RIPOR2: variants seen among roughly 807,000 people sequenced by gnomAD.
The protein encoded by RIPOR2 is rho family-interacting cell polarization regulator 2.
Under a neutral mutation model 114.5 loss-of-function variants are expected in RIPOR2, and 39 were observed. The observed-to-expected ratio is 0.34, with a 90% CI of 0.26 to 0.44. RIPOR2 has a LOEUF of 0.44. RIPOR2 is among the 20% of genes least tolerant of loss of function. RIPOR2 has a pLI of 1.00. For missense variants in RIPOR2, 1,007 were observed against 1,255.1 expected, an observed-to-expected ratio of 0.80 and a Z score of 2.99; for synonymous variants, 445 against 484.4, an observed-to-expected ratio of 0.92 and a Z score of 1.07.
chr6:25,011,766 A>G (rs1253924976), intron 1 of RIPOR2, among the ~76,000 whole-genome samples: 1 of 152,240 alleles, frequency 6.6e-6, no homozygotes, highest in Non-Finnish European at 1.5e-5. Context: ...TCAAAGCTAA[A>G]ACTATAAAAC....
At chr6:24,902,050 T>C (rs1004135208) in intron 1 of RIPOR2, among the ~76,000 whole-genome samples, 1 of 152,142 alleles carries the variant, frequency 6.6e-6, no homozygotes, top group South Asian at 2.1e-4. Context: ...CAGCAGACTT[T>C]AGGTATCAAA....
rs145867234 is a variant in RIPOR2 at position 24,819,505 on chromosome 6, TA to T, written c.2869-881del. Among the ~76,000 whole-genome samples the T allele has an allele frequency of 4.0e-3, 608 of 151,478 alleles. 3 individuals carry two copies. The highest frequency in any genetic ancestry group is 0.014 in the African/African-American group (559 of 41,376). ...ATGCTCTGTTTAAAAAATCTCTGCA[TA>T]AAAGTACATTATCTTTTTTTTTTTT... On this transcript the variant is annotated intron_variant, in intron 19 of 21. Transcript: ENST00000643898.
At chr6:24,955,478 A>G (rs187114948) in intron 1 of RIPOR2, among the ~76,000 whole-genome samples, 65 of 141,940 alleles carry the variant, frequency 4.6e-4, no homozygotes, top group Middle Eastern at 3.5e-3. Flanking sequence ...ACAATTTTTA[A>G]AAAAGATCTC....
chr6:24,931,751 T>C (rs957068959), intron 1 of RIPOR2: 1 of 152,246 alleles, frequency 6.6e-6, no homozygotes, highest in Non-Finnish European at 1.5e-5. Context: ...TGGGGTGTTT[T>C]ATTATTCTAA....
intron 1 of RIPOR2, among the ~76,000 whole-genome samples, chr6:24,884,281 T>A (rs778473324): frequency 6.6e-6 from 1 of 151,774 alleles, no homozygotes; most frequent in African/African-American, 2.4e-5. Context: ...TGGTGGTGGG[T>A]GCCTGTAGTC....
At chr6:25,019,049 G>A (rs558225824) in intron 1 of RIPOR2, among the ~76,000 whole-genome samples, 4 of 152,258 alleles carry the variant, frequency 2.6e-5, no homozygotes, top group African/African-American at 2.4e-5. Flanking sequence ...ACAAATATGT[G>A]ATCAATCTCT....
Position 24,948,053 on chromosome 6 carries a change from A to G in RIPOR2, c.77-72236T>C, listed in dbSNP as rs138451005. Reference sequence around the variant, plus strand: ...ATGCCTAAAAAATCGAGACTGTCTCAACTATTTTACCTGCCATTATCTTAA... The same window carrying G: ...ATGCCTAAAAAATCGAGACTGTCTCGACTATTTTACCTGCCATTATCTTAA... On this transcript the variant is annotated intron_variant, in intron 1 of 13. Coordinates refer to the RIPOR2 transcript ENST00000510784. 408 of 152,270 alleles carry G rather than the reference A, an allele frequency of 2.7e-3. 3 individuals are homozygous for G. The highest frequency in any genetic ancestry group is 8.7e-3 in the African/African-American group (363 of 41,552). The allele number at this position is 152,270 out of a possible 1,614,324, so 9.4% of individuals were successfully genotyped here. A position where few individuals can be genotyped will look rare whatever the true frequency, so the allele number is the denominator to read the frequency against.
intron 17 of RIPOR2, among the ~76,000 whole-genome samples, chr6:24,830,031 T>A (rs1332569102): frequency 6.6e-6 from 1 of 152,180 alleles, no homozygotes; most frequent in African/African-American, 2.4e-5. Context: ...AGTGGCGTGA[T>A]CTCAGCTCAC....
At chr6:24,927,345 C>CA (rs1430672077) in intron 1 of RIPOR2, among the ~76,000 whole-genome samples, 1 of 134,112 alleles carries the variant, frequency 7.5e-6, no homozygotes, top group Non-Finnish European at 1.6e-5. Flanking sequence ...CCACCACCAT[C>CA]ACCATCATCG....
At chr6:24,964,505 C>A (rs419479) in intron 1 of RIPOR2, among the ~76,000 whole-genome samples, 125,336 of 152,202 alleles carry the variant, frequency 0.82, 54,374 homozygotes, top group East Asian at 0.96. Context: ...TATTGTATGG[C>A]TGGATATATA....
At chr6:24,917,553 G>A (rs1020198207) in intron 1 of RIPOR2, among the ~76,000 whole-genome samples, 3 of 151,762 alleles carry the variant, frequency 2.0e-5, no homozygotes, top group Non-Finnish European at 4.4e-5. Context: ...TTCTTGAGAC[G>A]GAGTCTTGCT....
chr6:24,938,645 A>G (rs1035581898), upstream of RIPOR2, among the ~76,000 whole-genome samples: 8 of 152,186 alleles, frequency 5.3e-5, no homozygotes, highest in African/African-American at 1.9e-4. Flanking sequence ...GGGATAGAGA[A>G]TGAGAAGTCA....
chr6:24,950,371 C>T (rs7759489), intron 1 of RIPOR2, among the ~76,000 whole-genome samples: 29,955 of 152,108 alleles, frequency 0.2, 3,210 homozygotes, highest in East Asian at 0.48. Context: ...CCTATTCAAC[C>T]ATCCTTTATT....
chr6:24,962,345 A>C (rs1157782491), intron 1 of RIPOR2, among the ~76,000 whole-genome samples: 1 of 152,224 alleles, frequency 6.6e-6, no homozygotes, highest in African/African-American at 2.4e-5. Flanking sequence ...CTATTTTAGG[A>C]AGATTATTCT....
chr6:24,837,494 T>C (rs1193851907), intron 14 of RIPOR2, among the ~76,000 whole-genome samples: 1 of 151,784 alleles, frequency 6.6e-6, no homozygotes, highest in Non-Finnish European at 1.5e-5. Context: ...CAGCTCACCT[T>C]GACATCCTGG....
chr6:24,873,887 T>TC, intron 2 of RIPOR2, 88 bp from the exon 3 acceptor site: 1 of 1,157,966 alleles, frequency 8.6e-7, no homozygotes, highest in Non-Finnish European at 1.2e-6. Flanking sequence ...TACTTGTTTG[T>TC]TTTAGAGACA....
In RIPOR2 at chr6:25,005,694, G is replaced by GATATAT. The variant is rs34057286; in HGVS notation, c.76+36151_76+36156dup. 1.4e-3 allele frequency among the ~76,000 whole-genome samples: 62 copies of GATATAT among 45,372 alleles called. 5 individuals are homozygous for GATATAT. Among genetic ancestry groups the GATATAT allele is most frequent in the Non-Finnish European group, 2.1e-3 (37 of 17,484 alleles). The allele number at this position is 45,372 out of a possible 152,430, so 29.8% of individuals were successfully genotyped here. On this transcript the variant is annotated intron_variant, in intron 1 of 13. Transcript: ENST00000510784. Reference sequence around the variant, plus strand: ...GTTTCAAAAATAAAATCCCTATGGAGATATATATATATATATATATATATA... The same window carrying GATATAT: ...GTTTCAAAAATAAAATCCCTATGGAGATATATATATATATATATATATATATATATA...
In RIPOR2 at chr6:24,965,973, C is replaced by A. The variant is rs577321271; in HGVS notation, c.76+75878G>T. Among the ~76,000 whole-genome samples the A allele has an allele frequency of 6.6e-5, 10 of 151,976 alleles. No individual in the cohort carries two copies. The East Asian group carries it at 1.7e-3, about 26-fold the overall frequency. On this transcript the variant is annotated intron_variant, in intron 1 of 13. Transcript: ENST00000510784. ...TGGAGGATCTCAGATGATCACAACA[C>A]AATGAACTGAGGACTCTGAAACATG...
intron 21 of RIPOR2, among the ~76,000 whole-genome samples, chr6:24,807,703 G>A (rs914345743): frequency 1.3e-5 from 2 of 152,104 alleles, no homozygotes; most frequent in South Asian, 2.1e-4. Context: ...TGGACAGTGC[G>A]CATATAGAAC....
Sources: gnomAD v4.1 joint callset for allele counts (sites outside exome capture counted in the v4.1 genomes callset) on GRCh38, gnomAD v4.1.1 for gene constraint, MANE v1.5 for transcripts, NCBI Gene and HGNC (gene_info 2026-07-23, HGNC 2026-07-21) for gene names.